Variants in SPACA6 observed in about 807,000 individuals in gnomAD.
SPACA6 encodes the protein sperm acrosome associated 6.
For missense variants in SPACA6, 8 were observed against 2.8 expected (o/e 2.88, Z -1.34); for synonymous variants, 6 against 1.5 (o/e 4.05, Z -2.21).
Position 51,694,040 on chromosome 19 carries a change from GGAGT to G in SPACA6, c.214+301_214+304del, listed in dbSNP as rs535222458. 1.9e-3 allele frequency: 537 copies of G among 276,290 alleles called. 1 individual carries two copies. The highest frequency in any genetic ancestry group is 0.019 in the South Asian group (108 of 5,706). The allele number at this position is 276,290 out of a possible 1,614,324, so 17.1% of individuals were successfully genotyped here. On this transcript the variant is annotated intron_variant, in intron 1 of 8. Transcript: ENST00000637797. ...GGAGACTCGGAAAGATGGAGACTCA[GGAGT>G]ATGGAGAGTCAGAGAGGGGAGGATG...
In SPACA6 at chr19:51,703,467, G is replaced by C. The variant is rs1339631567; in HGVS notation, c.573+130G>C. The C allele has an allele frequency of 5.0e-6, 2 of 396,910 alleles. No homozygotes were observed. Among genetic ancestry groups the C allele is most frequent in the African/African-American group, 2.1e-5 (1 of 48,592 alleles). 24.6% of individuals were successfully genotyped at this position (396,910 alleles called of 1,614,324 possible). ...TAGACACAAGCATCAGCAAGAGGAG[G>C]GTCGCGGGATTTAGGGGAGAGCTCG... is the stretch of plus-strand genomic sequence containing the variant. On this transcript the variant is annotated intron_variant, in intron 6 of 8. Transcript: ENST00000637797. This position sits in a 1 kb window ranked among gnomAD's most constrained non-coding sequence, Gnocchi z 4.2.
downstream of SPACA6, among the ~76,000 whole-genome samples, chr19:51,708,927 A>G (rs901732926): frequency 6.6e-6 from 1 of 152,036 alleles, no homozygotes; most frequent in African/African-American, 2.4e-5. Context: ...AGTGCCAGGC[A>G]CATGGGAGGA....
At chr19:51,710,069 G>A (rs948027431), downstream of SPACA6, among the ~76,000 whole-genome samples, 9 of 152,276 alleles carry the variant, frequency 5.9e-5, no homozygotes, top group East Asian at 1.7e-3. Context: ...AGCTCTTCAG[G>A]CAAGAAAGGG....
At chr19:51,699,286 G>C (rs1284567589) in intron 2 of SPACA6, among the ~76,000 whole-genome samples, 1 of 152,164 alleles carries the variant, frequency 6.6e-6, no homozygotes, top group Non-Finnish European at 1.5e-5. Flanking sequence ...TGTGATTCCA[G>C]GTGCGGTACC....
intron 2 of SPACA6, among the ~76,000 whole-genome samples, chr19:51,696,017 T>C (rs2083428458): frequency 6.6e-6 from 1 of 152,042 alleles, no homozygotes; most frequent in Non-Finnish European, 1.5e-5. Flanking sequence ...AGGCAGTGAC[T>C]TTGAGGGGTC....
chr19:51,701,036 A>T (rs1313968380), intron 2 of SPACA6, among the ~76,000 whole-genome samples: 1 of 152,148 alleles, frequency 6.6e-6, no homozygotes, highest in Non-Finnish European at 1.5e-5. Flanking sequence ...AGCCTGGCCA[A>T]CATGGTGAAA....
At chr19:51,705,058 C>T (rs927384235) in intron 8 of SPACA6, 32 bp from the exon 9 acceptor site, 3 of 401,234 alleles carry the variant, frequency 7.5e-6, no homozygotes, top group African/African-American at 6.2e-5. Context: ...ACCAACCCCT[C>T]CTGTAACACA....
chr19:51,702,979 G>T (rs775892999), intron 4 of SPACA6, 42 bp from the exon 5 acceptor site: 20 of 399,100 alleles, frequency 5.0e-5, no homozygotes, highest in Non-Finnish European at 8.0e-5. Flanking sequence ...CCCGGGCTTG[G>T]AAGGGCAGGT....
chr19:51,691,523 G>C (rs1165908169), upstream of SPACA6, among the ~76,000 whole-genome samples: 1 of 151,872 alleles, frequency 6.6e-6, no homozygotes, highest in East Asian at 1.9e-4. Flanking sequence ...AGGAGAAAGA[G>C]GGGGAGAGAA....
downstream of SPACA6, among the ~76,000 whole-genome samples, chr19:51,708,123 CT>C (rs549844334): frequency 1.1e-3 from 166 of 152,242 alleles, no homozygotes; most frequent in African/African-American, 3.9e-3. Context: ...CTCCAAGCTC[CT>C]AATCATAGCC....
At chr19:51,684,417 C>T (rs1007514423), upstream of SPACA6, among the ~76,000 whole-genome samples, 1 of 152,172 alleles carries the variant, frequency 6.6e-6, no homozygotes, top group Non-Finnish European at 1.5e-5. Flanking sequence ...CTCCCCAAAA[C>T]ATCACACCCA....
upstream of SPACA6, chr19:51,692,823 C>T (rs376594280): frequency 2.2e-4 from 115 of 534,482 alleles, 2 homozygotes; most frequent in African/African-American, 1.2e-3. The surrounding 1 kb of genome is among the most constrained non-coding windows in gnomAD (Gnocchi z 5.6). Context: ...TTGAGGAGGA[C>T]ACCCAAGGAG....
At chr19:51,692,139 C>G (rs1600132231), upstream of SPACA6, among the ~76,000 whole-genome samples, 1 of 152,240 alleles carries the variant, frequency 6.6e-6, no homozygotes, top group African/African-American at 2.4e-5. This position sits in a 1 kb window ranked among gnomAD's most constrained non-coding sequence, Gnocchi z 5.6. Flanking sequence ...TAGCCCCTGG[C>G]CTCCTTAGCC....
At chr19:51,687,710 T>C (rs1041321753), upstream of SPACA6, 1 of 151,990 alleles carries the variant, frequency 6.6e-6, no homozygotes, top group African/African-American at 2.4e-5. Flanking sequence ...ATCCTGAACG[T>C]TTTCCCTGGC....
At chr19:51,694,665 A>G in intron 2 of SPACA6, 110 bp downstream of exon 2, 1 of 398,498 alleles carries the variant, frequency 2.5e-6, no homozygotes, top group Non-Finnish European at 4.4e-6. Flanking sequence ...TTGGGCAGTG[A>G]TCCGGGAGGG....
chr19:51,709,641 T>G (rs988350396), downstream of SPACA6, among the ~76,000 whole-genome samples: 1 of 82,692 alleles, frequency 1.2e-5, no homozygotes, highest in Non-Finnish European at 2.5e-5. Context: ...AGAAAAGAAA[T>G]AAAAGATGAG....
upstream of SPACA6, among the ~76,000 whole-genome samples, chr19:51,684,555 G>A (rs1457135410): frequency 6.6e-6 from 1 of 152,184 alleles, no homozygotes; most frequent in African/African-American, 2.4e-5. Context: ...TCCACCAGGG[G>A]CAAATTACCA....
intron 2 of SPACA6, among the ~76,000 whole-genome samples, chr19:51,696,024 G>T (rs2083428502): frequency 6.6e-6 from 1 of 152,160 alleles, no homozygotes; most frequent in Non-Finnish European, 1.5e-5. Context: ...GACTTTGAGG[G>T]GTCCCAGGGA....
upstream of SPACA6, among the ~76,000 whole-genome samples, chr19:51,688,780 T>C (rs752047474): frequency 6.9e-6 from 1 of 144,362 alleles, no homozygotes. Context: ...AGGATGGAGA[T>C]AGGGAGAGGG....
Sources: allele counts gnomAD v4.1 joint callset (sites outside exome capture counted in the v4.1 genomes callset), GRCh38; gene constraint gnomAD v4.1.1; non-coding constraint Gnocchi (gnomAD v3.1); transcripts MANE v1.5; gene names NCBI Gene and HGNC (gene_info 2026-07-23, HGNC 2026-07-21).